The following PCM1 variants were observed in gnomAD, a reference collection of about 807,000 sequenced individuals.
The protein encoded by PCM1 is pericentriolar material 1.
In PCM1, 157 loss-of-function variants were observed where a neutral mutation model predicts 241.9. The observed-to-expected ratio is 0.65, with a 90% CI of 0.57 to 0.74. The LOEUF (loss-of-function observed/expected upper bound fraction) is 0.74, where lower values mean the gene tolerates loss of function less well. PCM1 is among the 30% of genes least tolerant of loss of function. The pLI, the probability that PCM1 is intolerant of heterozygous loss-of-function variation, is 0.00. For synonymous variants in PCM1, 1,085 were observed against 784.9 expected (o/e 1.38, Z -6.39); for missense variants, 3,478 against 2,360.1 (o/e 1.47, Z -9.81).
rs139375998 is a variant in PCM1, at chr8:17,989,015, A to G, written c.4411-844A>G. On this transcript the variant is annotated intron_variant, in intron 26 of 38. Coordinates refer to ENST00000325083, the MANE Select transcript of PCM1 (RefSeq NM_006197.4). ...ACACTTGCACATTAATGTTCATAGC[A>G]TCTTTAGTCATGATAGCCTCAAACT... Among the ~76,000 whole-genome samples the G allele has an allele frequency of 3.3e-5, 5 of 152,188 alleles. No individual in the cohort carries two copies. In the East Asian group the frequency reaches 9.6e-4, roughly 29 times the overall value.
At position 18,011,776 on chromosome 8, in the gene PCM1, TTCCCTCCAGGC is replaced by T; in HGVS notation, c.5462_5472del (p.Ser1821Ter). Reference sequence around the variant, plus strand: ...AAGAAGGCCCTGTGGATGTCCAGACTTCCCTCCAGGCTAACACTGAAGCTACTGAAGAAAAT... The same window carrying T: ...AAGAAGGCCCTGTGGATGTCCAGACTTAACACTGAAGCTACTGAAGAAAAT... On this transcript the variant is annotated frameshift_variant, in exon 34 of 39. Coordinates refer to ENST00000325083, the MANE Select transcript of PCM1 (RefSeq NM_006197.4). LOFTEE classifies it high-confidence loss of function. The T allele has an allele frequency of 6.2e-7, 1 of 1,613,742 alleles. No homozygotes were observed. Among genetic ancestry groups the T allele is most frequent in the South Asian group, 1.1e-5 (1 of 91,018 alleles).
intron 2 of PCM1, among the ~76,000 whole-genome samples, chr8:17,929,514 C>G (rs73580027): frequency 0.02 from 3,075 of 152,294 alleles, 105 homozygotes; most frequent in African/African-American, 0.07. Flanking sequence ...ACATCAAACT[C>G]TCCATTTCTA....
chr8:17,959,716 C>A (rs1487583882), intron 13 of PCM1, among the ~76,000 whole-genome samples: 1 of 151,290 alleles, frequency 6.6e-6, no homozygotes, highest in East Asian at 1.9e-4. Flanking sequence ...TTCTCCACAC[C>A]CTTGATTGTG....
At chr8:17,977,824 C>T (rs1240038188) in intron 23 of PCM1, among the ~76,000 whole-genome samples, 1 of 152,088 alleles carries the variant, frequency 6.6e-6, no homozygotes, top group Admixed American at 6.5e-5. Flanking sequence ...TGCTTGACCA[C>T]AGGAATGAGA....
intron 2 of PCM1, among the ~76,000 whole-genome samples, chr8:17,928,797 A>T (rs1040956836): frequency 1.5e-4 from 22 of 151,546 alleles, no homozygotes; most frequent in Admixed American, 8.5e-4. Flanking sequence ...ATACCTGGCT[A>T]ATTTTTGTAT....
At chr8:17,941,339 G>C (rs397096) in intron 6 of PCM1, among the ~76,000 whole-genome samples, 119,351 of 152,058 alleles carry the variant, frequency 0.78, 47,384 homozygotes, top group African/African-American at 0.86. Flanking sequence ...AATATAAAAT[G>C]ACGGTATGAA....
chr8:17,971,702 A>G (rs2076912571), intron 22 of PCM1, among the ~76,000 whole-genome samples: 1 of 151,928 alleles, frequency 6.6e-6, no homozygotes, highest in Non-Finnish European at 1.5e-5. Flanking sequence ...CATTCTTCCA[A>G]CTTTTGGGTC....
chr8:17,973,049 T>C (rs958093807), intron 23 of PCM1, among the ~76,000 whole-genome samples: 1 of 152,156 alleles, frequency 6.6e-6, no homozygotes, highest in Admixed American at 6.5e-5. Context: ...AGATGGATTC[T>C]TGATTGATTA....
At chr8:17,936,479 GT>G (rs1189556685) in intron 3 of PCM1, among the ~76,000 whole-genome samples, 2 of 152,068 alleles carry the variant, frequency 1.3e-5, no homozygotes, top group African/African-American at 4.8e-5. Flanking sequence ...AAATAAAAAT[GT>G]TTTCTATTTG....
At position 18,029,666 on chromosome 8, in the gene PCM1, G is replaced by C. The variant is rs2094415751; in HGVS notation, c.*2004G>C. The C allele has an allele frequency of 5.0e-6, 1 of 199,362 alleles. No individual in the cohort carries two copies. The highest frequency in any genetic ancestry group is 2.3e-5 in the African/African-American group (1 of 43,422). 12.3% of individuals were successfully genotyped at this position (199,362 alleles called of 1,614,324 possible). A position where few individuals can be genotyped will look rare whatever the true frequency, so the allele number is the denominator to read the frequency against. ...ATAATTTAGTTTTAAAATACGTAGG[G>C]TTTGAGAGCAGATATATTTATTTAA... On this transcript the variant is annotated 3_prime_UTR_variant, in exon 39 of 39. Coordinates refer to ENST00000325083, the MANE Select transcript of PCM1 (RefSeq NM_006197.4).
chr8:17,947,615 A>T (rs2064325408), intron 7 of PCM1, among the ~76,000 whole-genome samples: 1 of 152,232 alleles, frequency 6.6e-6, no homozygotes, highest in Non-Finnish European at 1.5e-5. Context: ...CTTAAGAGGT[A>T]AAAGAGACAG....
chr8:17,960,745 C>T lies in PCM1; in HGVS notation c.2322+301C>T, dbSNP rs377415441. 1.1e-3 allele frequency among the ~76,000 whole-genome samples: 172 copies of T among 151,990 alleles called. 1 individual carries two copies. The highest frequency in any genetic ancestry group is 3.4e-3 in the Middle Eastern group (1 of 294). On this transcript the variant is annotated intron_variant, in intron 15 of 38. Transcript: ENST00000325083. Reference sequence around the variant, plus strand: ...TTCACAGTGTTAGCCAGGATGGTTTCGATCTCCTGACCTCGTGATTCGCCC... The same window carrying T: ...TTCACAGTGTTAGCCAGGATGGTTTTGATCTCCTGACCTCGTGATTCGCCC...
At chr8:17,953,955 A>C (rs1174728869) in intron 9 of PCM1, among the ~76,000 whole-genome samples, 1 of 152,116 alleles carries the variant, frequency 6.6e-6, no homozygotes, top group Non-Finnish European at 1.5e-5. Context: ...TAACAAAACC[A>C]TTGTCTCTGG....
intron 29 of PCM1, among the ~76,000 whole-genome samples, chr8:17,994,339 C>T (rs1588063623): frequency 6.6e-6 from 1 of 152,160 alleles, no homozygotes; most frequent in Non-Finnish European, 1.5e-5. Context: ...CCAGTTCCAT[C>T]CATGTTGTTG....
intron 36 of PCM1, among the ~76,000 whole-genome samples, chr8:18,023,379 T>G (rs1231890721): frequency 6.6e-6 from 1 of 152,162 alleles, no homozygotes. Context: ...CGCTTTTTCT[T>G]TAGCTGGCAG....
chr8:17,944,872 C>G (rs1404526494), intron 6 of PCM1, among the ~76,000 whole-genome samples: 1 of 152,092 alleles, frequency 6.6e-6, no homozygotes, highest in Non-Finnish European at 1.5e-5. Flanking sequence ...AGTGAGAAAT[C>G]TGAAGATAAT....
intron 24 of PCM1, 112 bp downstream of exon 24, chr8:17,980,867 A>G (rs1564135939): frequency 2.8e-6 from 2 of 708,970 alleles, no homozygotes; most frequent in East Asian, 5.4e-5. Context: ...ATCATGTGGA[A>G]GGTTTTATAG....
At chr8:18,000,860 G>C (rs1334884284) in intron 29 of PCM1, among the ~76,000 whole-genome samples, 4 of 152,064 alleles carry the variant, frequency 2.6e-5, no homozygotes, top group African/African-American at 4.8e-5. Context: ...GCACCCGCCT[G>C]GGCCTCCCAA....
chr8:17,967,427 G>T (rs927043425), intron 21 of PCM1, among the ~76,000 whole-genome samples: 8 of 152,076 alleles, frequency 5.3e-5, no homozygotes, highest in Non-Finnish European at 1.0e-4. Context: ...TCCTGCCTCA[G>T]CTTCCTAAGT....
Sources: allele counts gnomAD v4.1 joint callset (sites outside exome capture counted in the v4.1 genomes callset), GRCh38; gene constraint gnomAD v4.1.1; transcripts MANE v1.5; gene names NCBI Gene and HGNC (gene_info 2026-07-23, HGNC 2026-07-21).